KRT8: variants seen among roughly 807,000 people sequenced by gnomAD.
KRT8 encodes the protein keratin 8, also known as keratin, type II cytoskeletal 8.
A neutral mutation model predicts 43.0 loss-of-function variants in KRT8; 24 were observed. The observed-to-expected ratio is 0.56, with a 90% CI of 0.40 to 0.78. The LOEUF (loss-of-function observed/expected upper bound fraction) is 0.78. Ranked by LOEUF, KRT8 falls within the 30% of genes least tolerant of loss-of-function variation. KRT8 has a pLI of 0.00. For missense variants in KRT8, 492 were observed against 638.4 expected (o/e 0.77, Z 2.47); for synonymous variants, 214 against 261.2 (o/e 0.82, Z 1.74).
At chr12:52,911,840 A>G (rs1941642681), upstream of KRT8, among the ~76,000 whole-genome samples, 1 of 152,154 alleles carries the variant, frequency 6.6e-6, no homozygotes, top group Admixed American at 6.5e-5. Context: ...CCTGGCCAAC[A>G]TGGTGAAACC....
At chr12:52,936,250 TA>T (rs200984536) in intron 2 of KRT8, among the ~76,000 whole-genome samples, 1 of 150,932 alleles carries the variant, frequency 6.6e-6, no homozygotes, top group South Asian at 2.1e-4. Context: ...AGATTCCATC[TA>T]AAAAAAACAA....
rs144763228 is a variant in KRT8, at chr12:52,918,036, G to GAGGAGAAGA, written c.-46-13010_-46-13009insTCTTCTCCT. On this transcript the variant is annotated intron_variant, in intron 2 of 6. Transcript: ENST00000546826. ...AGAAGGAGAAGAAGAAGAGGAGGAG[G>GAGGAGAAGA]AGAAGAAGAAGAAGAGGAAGAAGAA... Among the ~76,000 whole-genome samples the GAGGAGAAGA allele has an allele frequency of 6.2e-5, 7 of 113,202 alleles. No individual in the cohort carries two copies. The East Asian group carries it at 8.4e-4, about 14-fold the overall frequency. The allele number at this position is 113,202 out of a possible 152,430, so 74.3% of individuals were successfully genotyped here.
chr12:52,925,119 G>A (rs1009002898), intron 2 of KRT8, among the ~76,000 whole-genome samples: 1 of 152,218 alleles, frequency 6.6e-6, no homozygotes, highest in Non-Finnish European at 1.5e-5. Context: ...ACCTTCAGGG[G>A]AGGAGGTGCT....
intron 1 of KRT8, among the ~76,000 whole-genome samples, chr12:52,903,973 C>G (rs1315584456): frequency 6.6e-6 from 1 of 151,230 alleles, no homozygotes; most frequent in Non-Finnish European, 1.5e-5. Context: ...CTCGGCCCCG[C>G]CCACGCTGCC....
At chr12:52,944,469 G>A (rs1414987952) in intron 2 of KRT8, among the ~76,000 whole-genome samples, 2 of 152,174 alleles carry the variant, frequency 1.3e-5, no homozygotes, top group Non-Finnish European at 1.5e-5. Context: ...TGAGTGAGGC[G>A]ATAGGCTGGG....
intron 4 of KRT8, 54 bp downstream of exon 4, chr12:52,900,534 T>G (rs1941340625): frequency 8.8e-7 from 1 of 1,137,710 alleles, no homozygotes; most frequent in African/African-American, 1.5e-5. Flanking sequence ...AGTCTCAGGG[T>G]GGAGGCGCTG....
At chr12:52,917,996 GGAAGGAGAGGAAGAAGAAGGAGAA>G (rs1941779066) in intron 2 of KRT8, among the ~76,000 whole-genome samples, 2 of 125,902 alleles carry the variant, frequency 1.6e-5, no homozygotes, top group East Asian at 2.4e-4. Flanking sequence ...AAGAAGGAGA[GGAAGGAGAGGAAGAAGAAGGAGAA>G]GAAGAAGAGG....
At chr12:52,906,541 G>C (rs1335874121), upstream of KRT8, 1 of 372,186 alleles carries the variant, frequency 2.7e-6, no homozygotes, top group Non-Finnish European at 5.4e-6. Flanking sequence ...TTGGAGATTG[G>C]GGAGCTGAGC....
intron 2 of KRT8, 150 bp downstream of exon 2, chr12:52,901,714 C>T: frequency 1.5e-6 from 1 of 675,224 alleles, no homozygotes; most frequent in South Asian, 1.6e-5. Flanking sequence ...TAAACACAGA[C>T]TGTTCCGAGC....
At chr12:52,933,739 C>T (rs1028508755) in intron 2 of KRT8, among the ~76,000 whole-genome samples, 29 of 151,974 alleles carry the variant, frequency 1.9e-4, no homozygotes, top group African/African-American at 7.0e-4. Flanking sequence ...ATTCTCTTGC[C>T]TCAACCTCCT....
chr12:52,914,406 G>A (rs751792546), intron 2 of KRT8, among the ~76,000 whole-genome samples: 35 of 149,554 alleles, frequency 2.3e-4, no homozygotes, highest in Non-Finnish European at 4.8e-4. Context: ...GTATGGTGGC[G>A]CATGCCTGTA....
At chr12:52,933,725 A>G (rs998731952) in intron 2 of KRT8, among the ~76,000 whole-genome samples, 1 of 151,952 alleles carries the variant, frequency 6.6e-6, no homozygotes, top group Non-Finnish European at 1.5e-5. Context: ...CCCGGGTTCA[A>G]GCAATTCTCT....
chr12:52,925,047 G>A (rs1443313910), intron 2 of KRT8, among the ~76,000 whole-genome samples: 1 of 152,200 alleles, frequency 6.6e-6, no homozygotes, highest in African/African-American at 2.4e-5. Flanking sequence ...GGCCTGCCCA[G>A]AAGCCAAGAA....
intron 2 of KRT8, chr12:52,948,901 C>A: frequency 2.3e-6 from 1 of 434,382 alleles, no homozygotes; most frequent in South Asian, 8.4e-5. Context: ...CACCTGCTGT[C>A]CGTGTCCATG....
chr12:52,902,195 C>T (rs1183951233), intron 1 of KRT8, 123 bp from the exon 2 acceptor site: 3 of 690,942 alleles, frequency 4.3e-6, no homozygotes. Flanking sequence ...ACCCCAGGCA[C>T]CTGGTTAGCT....
chr12:52,920,020 A>G (rs1447766245), intron 2 of KRT8, among the ~76,000 whole-genome samples: 2 of 152,192 alleles, frequency 1.3e-5, no homozygotes, highest in Non-Finnish European at 2.9e-5. Context: ...CTAAAGCCCA[A>G]GGTCCTTTGG....
At chr12:52,917,104 C>T (rs1324797198) in intron 2 of KRT8, among the ~76,000 whole-genome samples, 1 of 152,168 alleles carries the variant, frequency 6.6e-6, no homozygotes, top group African/African-American at 2.4e-5. Context: ...AAAAGAGAGT[C>T]TGCGGCCGGG....
Position 52,935,665 on chromosome 12 carries a change from A to G in KRT8, c.-47+13791T>C, listed in dbSNP as rs550218669. Among the ~76,000 whole-genome samples, 69 of 150,394 alleles carry G rather than the reference A, an allele frequency of 4.6e-4. 1 individual carries two copies. In the South Asian group the frequency reaches 0.014, roughly 30 times the overall value. On this transcript the variant is annotated intron_variant, in intron 2 of 6. Coordinates refer to the KRT8 transcript ENST00000546826. ...TCATAATTTTTTTTTTTTTTTAGAG[A>G]CACATTCTTGTTCTGTCACCCAGGC...
Position 52,918,188 on chromosome 12 carries a change from A to AAGAAGAAGAAGAAGAAGAAGG in KRT8, c.-46-13162_-46-13161insCCTTCTTCTTCTTCTTCTTCT, listed in dbSNP as rs1565725600. On this transcript the variant is annotated intron_variant, in intron 2 of 6. Coordinates refer to the KRT8 transcript ENST00000546826. ...GAAGAAGAAGAGGAAGAGGAAGAAG[A>AAGAAGAAGAAGAAGAAGAAGG]AGAAGAAGAAGAAGAACAAGAAGAA... Among the ~76,000 whole-genome samples, 25 of 118,272 alleles carry AAGAAGAAGAAGAAGAAGAAGG rather than the reference A, an allele frequency of 2.1e-4. 1 individual carries two copies. Among genetic ancestry groups the AAGAAGAAGAAGAAGAAGAAGG allele is most frequent in the African/African-American group, 7.1e-4 (20 of 28,264 alleles). The allele number at this position is 118,272 out of a possible 152,430, so 77.6% of individuals were successfully genotyped here. A position where few individuals can be genotyped will look rare whatever the true frequency, so the allele number is the denominator to read the frequency against.
Sources: allele counts gnomAD v4.1 joint callset (sites outside exome capture counted in the v4.1 genomes callset), GRCh38; gene constraint gnomAD v4.1.1; transcripts MANE v1.5; gene names NCBI Gene and HGNC (gene_info 2026-07-23, HGNC 2026-07-21).